The following CAMKMT variants were observed in gnomAD, a reference collection of about 807,000 sequenced individuals.
The protein encoded by CAMKMT is CaM KMT.
CAMKMT carries 53 observed loss-of-function variants against 48.0 expected under a neutral mutation model. The ratio of observed to expected loss-of-function variants is 1.10; its 90% CI spans 0.89 to 1.39. CAMKMT has a LOEUF of 1.39. CAMKMT is among the 40% of genes most tolerant of loss of function. CAMKMT has a pLI of 0.00. For missense variants in CAMKMT, 428 were observed against 402.7 expected (o/e 1.06, Z -0.54); for synonymous variants, 165 against 152.3 (o/e 1.08, Z -0.61).
intron 8 of CAMKMT, among the ~76,000 whole-genome samples, chr2:44,752,367 A>G (rs917736742): frequency 6.6e-6 from 1 of 152,088 alleles, no homozygotes; most frequent in Non-Finnish European, 1.5e-5. Flanking sequence ...CCCTATCAAT[A>G]GGTATCATTG....
At chr2:44,521,035 C>A (rs1363756753) in intron 3 of CAMKMT, among the ~76,000 whole-genome samples, 2 of 152,142 alleles carry the variant, frequency 1.3e-5, no homozygotes, top group Non-Finnish European at 2.9e-5. Context: ...AGAGTGAGAA[C>A]AGACTAATAC....
At chr2:44,697,319 G>A (rs1189680482) in intron 3 of CAMKMT, among the ~76,000 whole-genome samples, 1 of 152,066 alleles carries the variant, frequency 6.6e-6, no homozygotes, top group African/African-American at 2.4e-5. Flanking sequence ...AACAAGAGAT[G>A]GAACCCAGGA....
At position 44,456,523 on chromosome 2, in the gene CAMKMT, C is replaced by A; in HGVS notation, c.376+66218C>A. 5 of 1,544,286 alleles carry A rather than the reference C, an allele frequency of 3.2e-6. No homozygotes were observed. The South Asian group carries it at 6.1e-5, about 19-fold the overall frequency. On this transcript the variant is annotated intron_variant, in intron 3 of 10. Transcript: ENST00000378494. ...ACCTTGGAATGAAAAGCTTTAACTACAGCCAAGTTTACCTTTTCTATACAT... is the reference window on the plus strand; with the variant it reads ...ACCTTGGAATGAAAAGCTTTAACTAAAGCCAAGTTTACCTTTTCTATACAT...
intron 6 of CAMKMT, 25 bp downstream of exon 6, chr2:44,707,487 G>A (rs985512890): frequency 6.3e-7 from 1 of 1,598,340 alleles, no homozygotes; most frequent in Admixed American, 1.7e-5. Flanking sequence ...ATAGAAAACG[G>A]GTTTGTTGTG....
At chr2:44,647,960 A>G (rs1673840551) in intron 3 of CAMKMT, among the ~76,000 whole-genome samples, 1 of 151,128 alleles carries the variant, frequency 6.6e-6, no homozygotes, top group Non-Finnish European at 1.5e-5. Context: ...GATTGCCTGT[A>G]TAAGGATGTT....
intron 3 of CAMKMT, among the ~76,000 whole-genome samples, chr2:44,406,832 G>T (rs2104462826): frequency 6.6e-6 from 1 of 152,232 alleles, no homozygotes; most frequent in African/African-American, 2.4e-5. Flanking sequence ...AGAACTCCTG[G>T]GCTCAAGCAA....
Position 44,668,945 on chromosome 2 carries a change from C to T in CAMKMT, c.377-35338C>T, listed in dbSNP as rs145933448. Reference sequence around the variant, plus strand: ...TACAGGTGCCTGCCACAACGCCTGGCTAATTTTTTTGTATTTTAGTAGAGG... The same window carrying T: ...TACAGGTGCCTGCCACAACGCCTGGTTAATTTTTTTGTATTTTAGTAGAGG... On this transcript the variant is annotated intron_variant, in intron 3 of 10. Coordinates refer to ENST00000378494, the MANE Select transcript of CAMKMT (RefSeq NM_024766.5). Among the ~76,000 whole-genome samples, 1,035 of 152,108 alleles carry T rather than the reference C, an allele frequency of 6.8e-3. 9 individuals carry two copies. The highest frequency in any genetic ancestry group is 0.024 in the African/African-American group (995 of 41,506).
chr2:44,504,548 G>T (rs1670165444), intron 3 of CAMKMT, among the ~76,000 whole-genome samples: 1 of 152,138 alleles, frequency 6.6e-6, no homozygotes, highest in South Asian at 2.1e-4. Flanking sequence ...TGGCCTAGGG[G>T]TTTGTTCAAT....
chr2:44,588,125 C>G (rs1669987664), intron 3 of CAMKMT, among the ~76,000 whole-genome samples: 1 of 135,700 alleles, frequency 7.4e-6, no homozygotes, highest in Non-Finnish European at 1.6e-5. Context: ...CTCTGCTGGG[C>G]CGCAACCCTG....
At chr2:44,638,618 A>C (rs986157804) in intron 3 of CAMKMT, among the ~76,000 whole-genome samples, 13 of 152,208 alleles carry the variant, frequency 8.5e-5, no homozygotes, top group Non-Finnish European at 1.8e-4. Context: ...CTAAAATAAA[A>C]TTGTAGGGTG....
intron 3 of CAMKMT, among the ~76,000 whole-genome samples, chr2:44,413,098 TTAAATAAATAAA>T (rs530249634): frequency 1.3e-5 from 2 of 151,516 alleles, no homozygotes; most frequent in Admixed American, 6.6e-5. Context: ...ATAAAATAAA[TTAAATAAATAAA>T]TAAATAAATA....
At chr2:44,377,478 G>A (rs1401405547) in intron 2 of CAMKMT, among the ~76,000 whole-genome samples, 1 of 152,088 alleles carries the variant, frequency 6.6e-6, no homozygotes, top group Non-Finnish European at 1.5e-5. Context: ...TTGCTGTGTA[G>A]ATACAAGAAA....
At position 44,579,330 on chromosome 2, in the gene CAMKMT, C is replaced by T. The variant is rs114245886; in HGVS notation, c.377-124953C>T. 6.0e-3 allele frequency among the ~76,000 whole-genome samples: 907 copies of T among 152,028 alleles called. 4 individuals are homozygous for T. Among genetic ancestry groups the T allele is most frequent in the African/African-American group, 0.021 (871 of 41,434 alleles). On this transcript the variant is annotated intron_variant, in intron 3 of 10. Transcript: ENST00000378494. ...AATGGAAAGATGCCAACATGGAAGC[C>T]CAGTAATTCATGCGCTGGTGTAATG...
chr2:44,368,656 C>A (rs1244100567), intron 1 of CAMKMT, among the ~76,000 whole-genome samples: 3 of 152,058 alleles, frequency 2.0e-5, no homozygotes, highest in Non-Finnish European at 2.9e-5. Context: ...CATCAGAGTA[C>A]CTTGGTGCCA....
chr2:44,512,699 C>T (rs2104773565), intron 3 of CAMKMT, among the ~76,000 whole-genome samples: 1 of 152,310 alleles, frequency 6.6e-6, no homozygotes, highest in East Asian at 1.9e-4. Context: ...ATATCTATAC[C>T]TAAATCTGTA....
chr2:44,439,679 A>C (rs1038030767), intron 3 of CAMKMT, among the ~76,000 whole-genome samples: 1 of 152,100 alleles, frequency 6.6e-6, no homozygotes, highest in Non-Finnish European at 1.5e-5. Flanking sequence ...TCTACTAAAA[A>C]TACAAAAAAT....
intron 3 of CAMKMT, among the ~76,000 whole-genome samples, chr2:44,569,346 G>T (rs186740400): frequency 1.3e-5 from 2 of 152,068 alleles, no homozygotes; most frequent in African/African-American, 2.4e-5. Context: ...TACGAATGGC[G>T]ATTTTCTAGG....
chr2:44,694,129 A>G (rs754174940), intron 3 of CAMKMT, among the ~76,000 whole-genome samples: 16 of 152,228 alleles, frequency 1.1e-4, no homozygotes, highest in Non-Finnish European at 1.8e-4. Context: ...AGGACGAACT[A>G]TGAGAAGTGA....
chr2:44,683,679 C>T (rs1220621813), intron 3 of CAMKMT, among the ~76,000 whole-genome samples: 3 of 151,622 alleles, frequency 2.0e-5, no homozygotes, highest in African/African-American at 2.4e-5. Context: ...AAAAATTAGG[C>T]GGGCGTGGTG....
Sources: allele counts gnomAD v4.1 joint callset (sites outside exome capture counted in the v4.1 genomes callset), GRCh38; gene constraint gnomAD v4.1.1; transcripts MANE v1.5; gene names NCBI Gene and HGNC (gene_info 2026-07-23, HGNC 2026-07-21).